MECOM: variants seen among roughly 807,000 people sequenced by gnomAD.
The protein encoded by MECOM is MDS1 and EVI1 complex locus.
MECOM carries 13 observed loss-of-function variants against 116.3 expected under a neutral mutation model. The observed-to-expected ratio is 0.11, with a 90% CI of 0.07 to 0.18. The LOEUF (loss-of-function observed/expected upper bound fraction) is 0.18. Among genes scored for constraint, MECOM ranks in the 10% least tolerant of loss-of-function variants. MECOM has a pLI of 1.00. For synonymous variants in MECOM, 528 were observed against 535.2 expected (o/e 0.99, Z 0.19); for missense variants, 1,299 against 1,509.0 (o/e 0.86, Z 2.31).
chr3:169,128,035 G>A lies in MECOM; in HGVS notation c.639C>T (p.Asp213=). 1 of 1,614,040 alleles carries A rather than the reference G, an allele frequency of 6.2e-7. No individual in the cohort carries two copies. Residue 213 remains aspartate, a synonymous_variant, in exon 5 of 17, where the codon GAC becomes GAT. Coordinates refer to ENST00000651503, the MANE Select transcript of MECOM (RefSeq NM_004991.4). Reference sequence around the variant, plus strand: ...CCTTAGATTCAAAGAGCTGGTCACAGTCTTCGCAGCGATATTGCCGTTCTT... The same window carrying A: ...CCTTAGATTCAAAGAGCTGGTCACAATCTTCGCAGCGATATTGCCGTTCTT... ...IHEERQYRCE[D]CDQLFESKAE...
At chr3:169,610,498 C>CCT (rs1553898631) in intron 1 of MECOM, among the ~76,000 whole-genome samples, 2 of 128,606 alleles carry the variant, frequency 1.6e-5, no homozygotes, top group Admixed American at 1.6e-4. Context: ...TGTAATGTTA[C>CCT]GTGTGTGTGT....
chr3:169,439,348 T>G (rs1470652395), intron 1 of MECOM, among the ~76,000 whole-genome samples: 2 of 147,910 alleles, frequency 1.4e-5, no homozygotes, highest in African/African-American at 2.5e-5. Context: ...TAATATTATT[T>G]AATATTAATA....
At chr3:169,266,807 T>C (rs1758365021) in intron 2 of MECOM, among the ~76,000 whole-genome samples, 1 of 152,044 alleles carries the variant, frequency 6.6e-6, no homozygotes, top group Non-Finnish European at 1.5e-5. Context: ...CTATTCAATA[T>C]CAATTCCTTT....
At chr3:169,365,665 A>G (rs1378355998) in intron 2 of MECOM, among the ~76,000 whole-genome samples, 4 of 151,968 alleles carry the variant, frequency 2.6e-5, no homozygotes, top group Non-Finnish European at 4.4e-5. Context: ...CTATATGGGT[A>G]TGTTCTGGGG....
chr3:169,662,125 A>G (rs2110144632), intron 1 of MECOM, among the ~76,000 whole-genome samples: 1 of 152,372 alleles, frequency 6.6e-6, no homozygotes, highest in East Asian at 1.9e-4. Context: ...CGGCAAAGCC[A>G]GGCGAGTCAT....
intron 16 of MECOM, 115 bp downstream of exon 16, chr3:169,088,885 C>T: frequency 2.2e-6 from 2 of 929,292 alleles, no homozygotes; most frequent in Admixed American, 3.1e-5. Context: ...GGCATCTGAC[C>T]CCATTTGGAT....
intron 1 of MECOM, among the ~76,000 whole-genome samples, chr3:169,503,240 T>C (rs1754764003): frequency 6.6e-6 from 1 of 152,132 alleles, no homozygotes; most frequent in Admixed American, 6.6e-5. Context: ...ATATATAATC[T>C]CAGAAACACT....
chr3:169,215,866 G>C (rs1176094659), intron 2 of MECOM, among the ~76,000 whole-genome samples: 1 of 152,166 alleles, frequency 6.6e-6, no homozygotes, highest in Non-Finnish European at 1.5e-5. Context: ...CAGTTCCAAG[G>C]CTGGCATTCC....
At chr3:169,462,125 C>T (rs1275347820) in intron 1 of MECOM, among the ~76,000 whole-genome samples, 2 of 152,128 alleles carry the variant, frequency 1.3e-5, no homozygotes, top group Admixed American at 1.3e-4. Flanking sequence ...GCAGATTTTC[C>T]ATGAACCTAG....
At chr3:169,168,991 CAT>C (rs1326912067) in intron 2 of MECOM, among the ~76,000 whole-genome samples, 3 of 151,698 alleles carry the variant, frequency 2.0e-5, no homozygotes, top group Admixed American at 6.6e-5. Context: ...AAAATTTAGA[CAT>C]ATTATTAATA....
intron 2 of MECOM, among the ~76,000 whole-genome samples, chr3:169,255,309 C>T (rs1756735458): frequency 6.6e-6 from 1 of 152,078 alleles, no homozygotes; most frequent in Non-Finnish European, 1.5e-5. Flanking sequence ...TGCAGTCCTT[C>T]CTAGTCATAT....
chr3:169,182,611 T>C (rs1746114963), intron 2 of MECOM, among the ~76,000 whole-genome samples: 1 of 152,242 alleles, frequency 6.6e-6, no homozygotes. Flanking sequence ...GTGCCAAAGC[T>C]TATATACTTT....
rs1265750096 is a variant in MECOM, at chr3:169,378,487, GAGAAAGAAAGAAAGAAAGAAAGAAAGAAA to G, written c.375+2671_375+2699del. ...CAAGCAAGCAAGCAAGAAAGAGAGA[GAGAAAGAAAGAAAGAAAGAAAGAAAGAAA>G]AGAAAGAAAGAAAGAAAGAAAGAAA... On this transcript the variant is annotated intron_variant, in intron 2 of 16. Transcript: ENST00000651503. Among the ~76,000 whole-genome samples the G allele has an allele frequency of 1.2e-3, 36 of 29,964 alleles. 5 individuals carry two copies. The East Asian group carries it at 0.022, about 18-fold the overall frequency. The allele number at this position is 29,964 out of a possible 152,430, so 19.7% of individuals were successfully genotyped here. A position where few individuals can be genotyped will look rare whatever the true frequency, so the allele number is the denominator to read the frequency against.
intron 12 of MECOM, among the ~76,000 whole-genome samples, chr3:169,097,812 C>CTATA (rs1560133759): frequency 4.2e-5 from 1 of 23,792 alleles, no homozygotes; most frequent in Middle Eastern, 0.019. Context: ...GACCTACTGT[C>CTATA]TATATAAAAA....
At chr3:169,204,911 C>T (rs1749693685) in intron 2 of MECOM, among the ~76,000 whole-genome samples, 1 of 152,158 alleles carries the variant, frequency 6.6e-6, no homozygotes, top group Non-Finnish European at 1.5e-5. Context: ...ATAAAGCTGA[C>T]CGCATCCTCT....
chr3:169,359,393 T>C (rs1727820350), intron 2 of MECOM, among the ~76,000 whole-genome samples: 1 of 151,736 alleles, frequency 6.6e-6, no homozygotes, highest in African/African-American at 2.4e-5. Flanking sequence ...CAATCAGTTA[T>C]GGTAGGTGAG....
At chr3:169,360,320 A>G (rs903424993) in intron 2 of MECOM, among the ~76,000 whole-genome samples, 5 of 29,480 alleles carry the variant, frequency 1.7e-4, no homozygotes, top group Non-Finnish European at 2.5e-4. Context: ...AAGTTACACC[A>G]AAAAAAAAAA....
At chr3:169,276,676 A>T (rs1262397429) in intron 2 of MECOM, among the ~76,000 whole-genome samples, 1 of 152,092 alleles carries the variant, frequency 6.6e-6, no homozygotes. Context: ...GGTGATGTGT[A>T]CTAGATCTTC....
intron 1 of MECOM, among the ~76,000 whole-genome samples, chr3:169,479,575 C>G (rs1750975684): frequency 6.8e-6 from 1 of 146,830 alleles, no homozygotes; most frequent in African/African-American, 2.5e-5. Context: ...TAAAGCCAAG[C>G]AGATATCAGC....
Sources: gnomAD v4.1 joint callset for allele counts (sites outside exome capture counted in the v4.1 genomes callset) on GRCh38, gnomAD v4.1.1 for gene constraint, MANE v1.5 for transcripts, NCBI Gene and HGNC (gene_info 2026-07-23, HGNC 2026-07-21) for gene names.